ZNF804A: variants seen among roughly 807,000 people sequenced by gnomAD.
ZNF804A encodes the protein zinc finger protein 804A.
A neutral mutation model predicts 16.5 loss-of-function variants in ZNF804A; 2 were observed. The observed-to-expected ratio is 0.12, with a 90% CI of 0.05 to 0.38. ZNF804A has a LOEUF of 0.38. Ranked by LOEUF, ZNF804A falls within the 10% of genes least tolerant of loss-of-function variation. The probability of loss-of-function intolerance (pLI) is 0.99; values close to 1 mark genes in which losing one functional copy is unlikely to be tolerated. For missense variants in ZNF804A, 1,473 were observed against 1,390.7 expected, an observed-to-expected ratio of 1.06 and a Z score of -0.94; for synonymous variants, 534 against 489.6, an observed-to-expected ratio of 1.09 and a Z score of -1.20.
chr2:184,874,134 T>C (rs368116138), intron 2 of ZNF804A, among the ~76,000 whole-genome samples: 1 of 152,134 alleles, frequency 6.6e-6, no homozygotes, highest in East Asian at 1.9e-4. Flanking sequence ...ATTCTTCAAA[T>C]TAAAGCAAAA....
At chr2:184,708,170 T>C (rs1693062026) in intron 1 of ZNF804A, among the ~76,000 whole-genome samples, 1 of 152,070 alleles carries the variant, frequency 6.6e-6, no homozygotes, top group African/African-American at 2.4e-5. Flanking sequence ...TTCTTATAGG[T>C]CCTTTGTCAG....
rs974900459 is a variant in ZNF804A, at chr2:184,853,855, C to T, written c.112-12514C>T. On this transcript the variant is annotated intron_variant, in intron 1 of 3. Transcript: ENST00000302277. Reference sequence around the variant, plus strand: ...AAATTGATATTACAGGGATAGTAACCTTAATTTTGTTTCTTTTTTTTTTTT... The same window carrying T: ...AAATTGATATTACAGGGATAGTAACTTTAATTTTGTTTCTTTTTTTTTTTT... 2.3e-4 allele frequency among the ~76,000 whole-genome samples: 29 copies of T among 128,498 alleles called. No homozygotes were observed. The South Asian group carries it at 2.8e-3, about 12-fold the overall frequency. 84.3% of individuals were successfully genotyped at this position (128,498 alleles called of 152,430 possible). A position where few individuals can be genotyped will look rare whatever the true frequency, so the allele number is the denominator to read the frequency against.
chr2:184,878,225 C>T (rs553260922), intron 2 of ZNF804A, among the ~76,000 whole-genome samples: 2 of 152,092 alleles, frequency 1.3e-5, no homozygotes, highest in East Asian at 3.9e-4. Flanking sequence ...CCTGGTAATC[C>T]TGCTATGGAC....
chr2:184,766,250 G>A (rs1480333959), intron 1 of ZNF804A, among the ~76,000 whole-genome samples: 1 of 151,874 alleles, frequency 6.6e-6, no homozygotes, highest in Non-Finnish European at 1.5e-5. Context: ...ATTATTGTTT[G>A]GTGATAAAAT....
Position 184,816,480 on chromosome 2 carries a change from C to G in ZNF804A, c.112-49889C>G, listed in dbSNP as rs17509385. ...AAGTAATTGTAAGATTGTGAAAGTTCTAACTCTTAAGCTCAGGGATTTCTC... is the reference window on the plus strand; with the variant it reads ...AAGTAATTGTAAGATTGTGAAAGTTGTAACTCTTAAGCTCAGGGATTTCTC... On this transcript the variant is annotated intron_variant, in intron 1 of 3. Transcript: ENST00000302277. 5.9e-3 allele frequency among the ~76,000 whole-genome samples: 900 copies of G among 152,108 alleles called. 11 individuals carry two copies. Among genetic ancestry groups the G allele is most frequent in the Middle Eastern group, 0.027 (8 of 294 alleles).
At chr2:184,721,295 C>A (rs918230848) in intron 1 of ZNF804A, among the ~76,000 whole-genome samples, 1 of 152,076 alleles carries the variant, frequency 6.6e-6, no homozygotes, top group African/African-American at 2.4e-5. Context: ...AAGCAATCAA[C>A]AGAGTGAAAA....
chr2:184,612,688 G>C (rs759689940), intron 1 of ZNF804A, among the ~76,000 whole-genome samples: 38 of 152,172 alleles, frequency 2.5e-4, no homozygotes, highest in Non-Finnish European at 4.1e-4. Context: ...GCCCACCTCG[G>C]CCTCCCAAAG....
intron 1 of ZNF804A, among the ~76,000 whole-genome samples, chr2:184,736,579 G>A (rs1300485052): frequency 6.6e-6 from 1 of 152,088 alleles, no homozygotes; most frequent in Non-Finnish European, 1.5e-5. Context: ...GCTGGGGCCT[G>A]TTGGGTGGTG....
chr2:184,880,192 T>C (rs1364924685), intron 2 of ZNF804A, among the ~76,000 whole-genome samples: 2 of 152,186 alleles, frequency 1.3e-5, no homozygotes, highest in Non-Finnish European at 1.5e-5. Flanking sequence ...GATTTGTCAC[T>C]GTTAAGAGGT....
chr2:184,601,911 A>G (rs975908234), intron 1 of ZNF804A, among the ~76,000 whole-genome samples: 4 of 151,914 alleles, frequency 2.6e-5, no homozygotes, highest in African/African-American at 9.7e-5. Context: ...ATAATCTTCA[A>G]AAAAATCACA....
chr2:184,700,016 T>C (rs1692895004), intron 1 of ZNF804A, among the ~76,000 whole-genome samples: 1 of 152,134 alleles, frequency 6.6e-6, no homozygotes, highest in Non-Finnish European at 1.5e-5. Flanking sequence ...GTGGATCATG[T>C]GCTTATTTAT....
intron 1 of ZNF804A, among the ~76,000 whole-genome samples, chr2:184,723,239 TTA>T (rs921541532): frequency 2.0e-5 from 3 of 151,814 alleles, no homozygotes; most frequent in African/African-American, 7.2e-5. Flanking sequence ...AGAGAAAGGT[TTA>T]TATGATAGAA....
chr2:184,652,806 G>C (rs1574148034), intron 1 of ZNF804A, among the ~76,000 whole-genome samples: 2 of 151,560 alleles, frequency 1.3e-5, no homozygotes, highest in South Asian at 4.1e-4. Flanking sequence ...ATTAGATTAT[G>C]GGGGCAGTTC....
intron 1 of ZNF804A, among the ~76,000 whole-genome samples, chr2:184,809,960 C>T (rs1694866817): frequency 6.6e-6 from 1 of 151,896 alleles, no homozygotes; most frequent in African/African-American, 2.4e-5. Flanking sequence ...ATTCAAATAG[C>T]AAAAAGGACT....
At chr2:184,934,072 A>C (rs1453251474) in intron 3 of ZNF804A, among the ~76,000 whole-genome samples, 1 of 152,092 alleles carries the variant, frequency 6.6e-6, no homozygotes, top group Non-Finnish European at 1.5e-5. Context: ...GTATCTTATG[A>C]CCCTTTTAAC....
intron 1 of ZNF804A, among the ~76,000 whole-genome samples, 166 bp downstream of exon 1, chr2:184,599,236 GA>G (rs1425768230): frequency 6.6e-6 from 1 of 152,090 alleles, no homozygotes; most frequent in Non-Finnish European, 1.5e-5. Context: ...GGGTCTTAGG[GA>G]AGCTGTGATC....
At chr2:184,852,358 G>A (rs1014357514) in intron 1 of ZNF804A, among the ~76,000 whole-genome samples, 7 of 151,408 alleles carry the variant, frequency 4.6e-5, no homozygotes, top group Non-Finnish European at 7.4e-5. Flanking sequence ...ATGGATAAAA[G>A]GGGGCTACTG....
At chr2:184,711,905 G>A (rs767733183) in intron 1 of ZNF804A, among the ~76,000 whole-genome samples, 13 of 151,508 alleles carry the variant, frequency 8.6e-5, no homozygotes, top group East Asian at 3.9e-4. Context: ...TTTGAAATTC[G>A]GAATTGTAAT....
At position 184,937,901 on chromosome 2, in the gene ZNF804A, C is replaced by T. The variant is rs375581398; in HGVS notation, c.2505C>T (p.Pro835=). ...AACTCAAAGAAAATACAGATTATCC[C>T]GTGAAAGACAATTCTTCCTTAAATC... ...TLELKENTDY[P]VKDNSSLNPL... Residue 835 remains proline (P), a synonymous_variant, in exon 4 of 4, where the codon CCC becomes CCT. Coordinates refer to ENST00000302277, the MANE Select transcript of ZNF804A (RefSeq NM_194250.2). 4 of 1,613,976 alleles carry T rather than the reference C, an allele frequency of 2.5e-6. No homozygotes were observed. The highest frequency in any genetic ancestry group is 1.1e-5 in the South Asian group (1 of 91,062).
Sources: allele counts gnomAD v4.1 joint callset (sites outside exome capture counted in the v4.1 genomes callset), GRCh38; gene constraint gnomAD v4.1.1; transcripts MANE v1.5; gene names NCBI Gene and HGNC (gene_info 2026-07-23, HGNC 2026-07-21).